ANKRD17: variants seen among roughly 807,000 people sequenced by gnomAD.
ANKRD17 encodes the protein ankyrin repeat domain 17.
In ANKRD17, 19 loss-of-function variants were observed where a neutral mutation model predicts 229.7. The ratio of observed to expected loss-of-function variants is 0.08; its 90% CI spans 0.06 to 0.12. The LOEUF (loss-of-function observed/expected upper bound fraction) is 0.12, where lower values mean the gene tolerates loss of function less well. Ranked by LOEUF, ANKRD17 falls within the 10% of genes least tolerant of loss-of-function variation. ANKRD17 has a pLI of 1.00. For missense variants in ANKRD17, 2,176 were observed against 3,176.8 expected (o/e 0.68, Z 7.57); for synonymous variants, 1,112 against 1,146.1 (o/e 0.97, Z 0.60).
At chr4:73,235,674 T>G (rs751732690) in intron 1 of ANKRD17, among the ~76,000 whole-genome samples, 3 of 152,358 alleles carry the variant, frequency 2.0e-5, no homozygotes, top group Non-Finnish European at 4.4e-5. Context: ...CTTTTAAAAT[T>G]TGTTAAACAT....
At chr4:73,102,218 G>A (rs1724100369) in intron 25 of ANKRD17, among the ~76,000 whole-genome samples, 158 bp downstream of exon 25, 1 of 152,152 alleles carries the variant, frequency 6.6e-6, no homozygotes, top group South Asian at 2.1e-4. Flanking sequence ...ACCTTGACCT[G>A]CCATAAAATG....
At chr4:73,157,122 A>G (rs1031891907) in intron 3 of ANKRD17, among the ~76,000 whole-genome samples, 1 of 152,210 alleles carries the variant, frequency 6.6e-6, no homozygotes, top group African/African-American at 2.4e-5. Context: ...GGTCATAATT[A>G]TACTTCTTTT....
intron 16 of ANKRD17, among the ~76,000 whole-genome samples, chr4:73,125,720 G>A (rs1444058825): frequency 5.9e-5 from 8 of 136,124 alleles, no homozygotes; most frequent in African/African-American, 1.7e-4. Context: ...GTGACAAAGC[G>A]AGACTCCGTC....
At chr4:73,195,463 T>C (rs1056606136) in intron 1 of ANKRD17, among the ~76,000 whole-genome samples, 6 of 152,140 alleles carry the variant, frequency 3.9e-5, no homozygotes, top group African/African-American at 1.2e-4. Flanking sequence ...TAACATATCA[T>C]GTAATATGTG....
Position 73,121,852 on chromosome 4 carries a change from A to G in ANKRD17, c.3493-93T>C. Reference sequence around the variant, plus strand: ...AATTTCTTTTTCTGGTATACTGTACAATAAAAGAAGGGGAAAGTTCTTCCT... The same window carrying G: ...AATTTCTTTTTCTGGTATACTGTACGATAAAAGAAGGGGAAAGTTCTTCCT... On this transcript the variant is annotated intron_variant, in intron 18 of 33. Transcript: ENST00000358602. The G allele has an allele frequency of 4.7e-6, 6 of 1,277,616 alleles. No individual in the cohort carries two copies. In the South Asian group the frequency reaches 1.1e-4, roughly 23 times the overall value. The allele number at this position is 1,277,616 out of a possible 1,614,324, so 79.1% of individuals were successfully genotyped here. A position where few individuals can be genotyped will look rare whatever the true frequency, so the allele number is the denominator to read the frequency against.
chr4:73,120,736 G>T, intron 20 of ANKRD17, 145 bp downstream of exon 20: 1 of 721,966 alleles, frequency 1.4e-6, no homozygotes, highest in Non-Finnish European at 2.2e-6. Flanking sequence ...GTTTGACTGA[G>T]TTATACAGAA....
chr4:73,179,488 G>GTATATATATATATATATA (rs1169079744), intron 1 of ANKRD17, among the ~76,000 whole-genome samples: 2 of 48,218 alleles, frequency 4.1e-5, no homozygotes, highest in African/African-American at 1.8e-4. Context: ...GTGTGTGTGT[G>GTATATATATATATATATA]TATATATATA....
chr4:73,108,591 T>C (rs1724922134), intron 24 of ANKRD17, among the ~76,000 whole-genome samples: 1 of 152,138 alleles, frequency 6.6e-6, no homozygotes, highest in South Asian at 2.1e-4. Context: ...CAAATGTTAT[T>C]AGTTCAGTAA....
chr4:73,121,334 T>A (rs1726690557), intron 19 of ANKRD17, among the ~76,000 whole-genome samples: 1 of 152,188 alleles, frequency 6.6e-6, no homozygotes, highest in African/African-American at 2.4e-5. Flanking sequence ...ATTAATAAGT[T>A]ATTAGGATAA....
chr4:73,113,283 G>A, intron 24 of ANKRD17: 1 of 1,289,274 alleles, frequency 7.8e-7, no homozygotes, highest in South Asian at 1.2e-5. Context: ...CTCCCCATGG[G>A]AATAGATGGG....
At chr4:73,236,933 C>G (rs1743562460) in intron 1 of ANKRD17, among the ~76,000 whole-genome samples, 1 of 152,142 alleles carries the variant, frequency 6.6e-6, no homozygotes, top group African/African-American at 2.4e-5. Context: ...CAAACTCTTT[C>G]CATATCATGC....
At chr4:73,167,420 G>A (rs1026277499) in intron 2 of ANKRD17, among the ~76,000 whole-genome samples, 10 of 152,132 alleles carry the variant, frequency 6.6e-5, no homozygotes, top group African/African-American at 1.7e-4. Flanking sequence ...TATTTGCATC[G>A]TATGAAAAGG....
intron 24 of ANKRD17, among the ~76,000 whole-genome samples, chr4:73,108,860 G>A (rs911298046): frequency 6.6e-6 from 1 of 152,172 alleles, no homozygotes; most frequent in Non-Finnish European, 1.5e-5. Context: ...CTGTGTTTAA[G>A]ATTGGAGAAA....
rs538405553 is a variant in ANKRD17 at position 73,143,302 on chromosome 4, T to G, written c.1958-535A>C. Reference sequence around the variant, plus strand: ...GTATCCCTAATTTATTCGTTTGTTGTTTTCGTAGAAATGGGGTCTTGCCAT... The same window carrying G: ...GTATCCCTAATTTATTCGTTTGTTGGTTTCGTAGAAATGGGGTCTTGCCAT... On this transcript the variant is annotated intron_variant, in intron 11 of 33. Transcript: ENST00000358602. 5.4e-4 allele frequency among the ~76,000 whole-genome samples: 83 copies of G among 152,318 alleles called. 1 individual carries two copies. The South Asian group carries it at 0.016, about 29-fold the overall frequency.
chr4:73,133,396 T>TC (rs1728484752), intron 16 of ANKRD17, among the ~76,000 whole-genome samples: 2 of 149,172 alleles, frequency 1.3e-5, no homozygotes, highest in Admixed American at 1.3e-4. Flanking sequence ...CGTGTTTTTT[T>TC]TTTTTTTTTT....
In ANKRD17 at chr4:73,161,211, T is replaced by C; in HGVS notation, c.685A>G (p.Asn229Asp). Reference protein sequence around the residue: ...LTRMRAESTANAGQSDNRSLA... With the variant: ...LTRMRAESTADAGQSDNRSLA... ...ACTTACTTGTCCGACTGCCCTGCAT[T>C]TGCTGTGCTTTCAGCTCTCATACGG... The change falls in exon 3 of 34, where the codon AAT (asparagine) becomes GAT (aspartate). Residue 229 changes from asparagine (N) to aspartate (D), a missense_variant. By Grantham distance (23) the Asn-to-Asp change is conservative. Coordinates refer to ENST00000358602, the MANE Select transcript of ANKRD17 (RefSeq NM_032217.5). 3 of 1,614,052 alleles carry C rather than the reference T, an allele frequency of 1.9e-6. No homozygotes were observed. The highest frequency in any genetic ancestry group is 4.5e-5 in the East Asian group (2 of 44,886).
At chr4:73,145,567 A>T (rs1303188449) in intron 10 of ANKRD17, among the ~76,000 whole-genome samples, 1 of 152,154 alleles carries the variant, frequency 6.6e-6, no homozygotes, top group East Asian at 1.9e-4. Context: ...TCTGATGAAC[A>T]ATTTCTGATT....
intron 1 of ANKRD17, among the ~76,000 whole-genome samples, chr4:73,182,390 C>A (rs1208871935): frequency 6.6e-6 from 1 of 152,120 alleles, no homozygotes; most frequent in Non-Finnish European, 1.5e-5. Context: ...AAACCAGACA[C>A]AAGGACCTTT....
intron 7 of ANKRD17, among the ~76,000 whole-genome samples, chr4:73,150,474 C>T (rs1388920794): frequency 6.6e-6 from 1 of 152,008 alleles, no homozygotes; most frequent in Non-Finnish European, 1.5e-5. Flanking sequence ...ATCCTCACAA[C>T]TCCAGAGAAA....
Sources: allele counts gnomAD v4.1 joint callset (sites outside exome capture counted in the v4.1 genomes callset), GRCh38; gene constraint gnomAD v4.1.1; transcripts MANE v1.5; gene names NCBI Gene and HGNC (gene_info 2026-07-23, HGNC 2026-07-21).